Variants in ASS1 observed in about 807,000 individuals in gnomAD.
ASS1 encodes the protein argininosuccinate synthase.
In ASS1, 58 loss-of-function variants were observed where a neutral mutation model predicts 60.5. The observed-to-expected ratio is 0.96, with a 90% CI of 0.78 to 1.19. The LOEUF (loss-of-function observed/expected upper bound fraction) is 1.19. Ranked by LOEUF, ASS1 falls within the 50% of genes most tolerant of loss-of-function variation. The pLI is 0.00. For missense variants in ASS1, 454 were observed against 547.3 expected (o/e 0.83, Z 1.70); for synonymous variants, 200 against 206.9 (o/e 0.97, Z 0.29).
At chr9:130,474,695 A>G (rs507351) in intron 8 of ASS1, among the ~76,000 whole-genome samples, 129,365 of 152,286 alleles carry the variant, frequency 0.85, 57,066 homozygotes, top group Non-Finnish European at 0.99. Flanking sequence ...CCTGATGCCT[A>G]CCTGTGGCTG....
chr9:130,480,301 G>A lies in ASS1; in HGVS notation c.774-84G>A, dbSNP rs1846135870. The A allele has an allele frequency of 2.0e-6, 3 of 1,468,802 alleles. No homozygotes were observed. In the East Asian group the frequency reaches 6.8e-5, roughly 33 times the overall value. 91.0% of individuals were successfully genotyped at this position (1,468,802 alleles called of 1,614,324 possible). ...CTGCCTAATGTGTGGCCTAAGCTGTGCCCACCCTGGGACAGCCCAGCTGGG... is the reference window on the plus strand; with the variant it reads ...CTGCCTAATGTGTGGCCTAAGCTGTACCCACCCTGGGACAGCCCAGCTGGG... On this transcript the variant is annotated intron_variant, in intron 10 of 14. Transcript: ENST00000352480.
chr9:130,490,945 TC>T (rs1333648240), intron 12 of ASS1, among the ~76,000 whole-genome samples: 1 of 152,184 alleles, frequency 6.6e-6, no homozygotes, highest in Non-Finnish European at 1.5e-5. Context: ...CCTCACATCT[TC>T]GGGGGCCTGG....
intron 6 of ASS1, among the ~76,000 whole-genome samples, chr9:130,468,591 A>T (rs1287917657): frequency 1.3e-5 from 2 of 151,620 alleles, no homozygotes; most frequent in African/African-American, 4.8e-5. Context: ...TTTGTTTTTC[A>T]TATATTTATT....
intron 3 of ASS1, among the ~76,000 whole-genome samples, chr9:130,454,933 T>C (rs998091457): frequency 5.8e-5 from 8 of 137,400 alleles, no homozygotes; most frequent in East Asian, 2.3e-4. Context: ...ATCCATCCAT[T>C]CATCCATCCA....
rs1028362397 is a variant in ASS1 at position 130,476,058 on chromosome 9, C to T, written c.598-813C>T. On this transcript the variant is annotated intron_variant, in intron 8 of 14. Coordinates refer to ENST00000352480, the MANE Select transcript of ASS1 (RefSeq NM_054012.4). This position sits in a 1 kb window ranked among gnomAD's most constrained non-coding sequence, Gnocchi z 4.9. ...ACAGGTGTGAGCCACTGTGCCCAGC[C>T]GTCTGCAAGGTTTTTAAAGCAAAGA... is the stretch of plus-strand genomic sequence containing the variant. Among the ~76,000 whole-genome samples, 6 of 152,126 alleles carry T rather than the reference C, an allele frequency of 3.9e-5. No individual in the cohort carries two copies. Among genetic ancestry groups the T allele is most frequent in the Admixed American group, 1.3e-4 (2 of 15,276 alleles).
At chr9:130,465,966 G>A (rs1338750768) in intron 5 of ASS1, among the ~76,000 whole-genome samples, 1 of 152,238 alleles carries the variant, frequency 6.6e-6, no homozygotes, top group African/African-American at 2.4e-5. Flanking sequence ...ATTGGGGCAG[G>A]GGCCAAGCTG....
chr9:130,479,681 G>GC (rs1375615393), intron 9 of ASS1, 35 bp from the exon 10 acceptor site: 2 of 1,559,254 alleles, frequency 1.3e-6, no homozygotes, highest in Admixed American at 3.3e-5. Context: ...GCTGAGCCGG[G>GC]CCCAGAGGCC....
chr9:130,460,155 AGTCCTGGCTCACTGTGGGAG>A (rs1298393045), intron 4 of ASS1, among the ~76,000 whole-genome samples: 2 of 152,142 alleles, frequency 1.3e-5, no homozygotes, highest in Non-Finnish European at 2.9e-5. Flanking sequence ...GATGGTGGGA[AGTCCTGGCTCACTGTGGGAG>A]GTCCTGGCTC....
chr9:130,493,463 A>G (rs1380234801), intron 12 of ASS1, among the ~76,000 whole-genome samples: 2 of 152,130 alleles, frequency 1.3e-5, no homozygotes, highest in African/African-American at 2.4e-5. Context: ...AGGGTGGGAC[A>G]CTGGAGAGCA....
chr9:130,475,238 G>A (rs934807390), intron 8 of ASS1, among the ~76,000 whole-genome samples: 4 of 152,182 alleles, frequency 2.6e-5, no homozygotes, highest in Admixed American at 6.5e-5. Flanking sequence ...AGGCTGGGCC[G>A]AGCATGTACC....
chr9:130,486,580 C>T (rs750373428), intron 11 of ASS1, among the ~76,000 whole-genome samples: 4 of 152,140 alleles, frequency 2.6e-5, no homozygotes, highest in Non-Finnish European at 5.9e-5. Flanking sequence ...GAGGAACTCC[C>T]GAGGGATTTG....
chr9:130,471,930 C>T (rs1845876688), intron 8 of ASS1, among the ~76,000 whole-genome samples: 1 of 152,066 alleles, frequency 6.6e-6, no homozygotes, highest in Non-Finnish European at 1.5e-5. Context: ...GGCTGAGAGC[C>T]CTAGGCCCCA....
chr9:130,465,708 C>T (rs543703732), intron 5 of ASS1, among the ~76,000 whole-genome samples: 47 of 152,356 alleles, frequency 3.1e-4, no homozygotes, highest in Middle Eastern at 3.4e-3. Flanking sequence ...TCTCTTTCCC[C>T]GTCCCTTTAA....
rs566629709 is a variant in ASS1, at chr9:130,494,832, G to A, written c.971-35G>A. ...TCCCTGTGTCCTCGCGGTGCAGGAG[G>A]CCTCCCTAGTGGTATCCTGTTTTCC... On this transcript the variant is annotated intron_variant, in intron 12 of 14. Transcript: ENST00000352480. The surrounding 1 kb of genome is among the most constrained non-coding windows in gnomAD (Gnocchi z 4.3). The A allele has an allele frequency of 3.7e-5, 60 of 1,612,936 alleles. No homozygotes were observed. The East Asian group carries it at 1.3e-3, about 34-fold the overall frequency.
In ASS1 at chr9:130,447,644, C is replaced by T. The variant is rs190453074; in HGVS notation, c.-6+2649C>T. On this transcript the variant is annotated intron_variant, in intron 1 of 14. Transcript: ENST00000352480. ...TTTGCCAGGGAGCTGGAGAAACCTGCCGTGGCCCTTTCTGGGGGATGTGGT... is the reference window on the plus strand; with the variant it reads ...TTTGCCAGGGAGCTGGAGAAACCTGTCGTGGCCCTTTCTGGGGGATGTGGT... 2.0e-5 allele frequency among the ~76,000 whole-genome samples: 3 copies of T among 152,340 alleles called. No homozygotes were observed. The East Asian group carries it at 5.8e-4, about 29-fold the overall frequency.
chr9:130,499,387 C>A (rs1463355172), intron 13 of ASS1, 118 bp from the exon 14 acceptor site: 1 of 1,062,760 alleles, frequency 9.4e-7, no homozygotes, highest in Non-Finnish European at 1.4e-6. Context: ...GGGTTTGGAC[C>A]CACACAGGGG....
intron 1 of ASS1, among the ~76,000 whole-genome samples, chr9:130,446,175 A>G (rs1845190399): frequency 6.6e-6 from 1 of 152,040 alleles, no homozygotes; most frequent in African/African-American, 2.4e-5. Flanking sequence ...TCAGTCTGTT[A>G]GAGCTGGCTG....
intron 14 of ASS1, among the ~76,000 whole-genome samples, chr9:130,500,476 C>T (rs1846722676): frequency 6.6e-6 from 1 of 152,094 alleles, no homozygotes; most frequent in Non-Finnish European, 1.5e-5. Context: ...AAGTCAGTCT[C>T]CTCTTGCTAA....
At chr9:130,492,969 A>C (rs1846485139) in intron 12 of ASS1, among the ~76,000 whole-genome samples, 1 of 152,188 alleles carries the variant, frequency 6.6e-6, no homozygotes, top group East Asian at 1.9e-4. Context: ...GATAAAGCCC[A>C]GGCCAGTTGC....
Sources: gnomAD v4.1 joint callset for allele counts (sites outside exome capture counted in the v4.1 genomes callset) on GRCh38, gnomAD v4.1.1 for gene constraint, Gnocchi (gnomAD v3.1) non-coding constraint, MANE v1.5 for transcripts, NCBI Gene and HGNC (gene_info 2026-07-23, HGNC 2026-07-21) for gene names.